The following LRP1B variants were observed in gnomAD, a reference collection of about 807,000 sequenced individuals.
The protein encoded by LRP1B is low-density lipoprotein receptor-related protein 1B.
Under a neutral mutation model 556.6 loss-of-function variants are expected in LRP1B, and 217 were observed. That is an observed-to-expected ratio of 0.39 (90% confidence interval 0.35 to 0.44). The LOEUF (loss-of-function observed/expected upper bound fraction) is 0.44. LRP1B is among the 20% of genes least tolerant of loss of function. LRP1B has a pLI of 1.00. For missense variants in LRP1B, 5,053 were observed against 5,620.8 expected, an observed-to-expected ratio of 0.90 and a Z score of 3.23; for synonymous variants, 2,047 against 1,865.8, an observed-to-expected ratio of 1.10 and a Z score of -2.50.
intron 49 of LRP1B, among the ~76,000 whole-genome samples, chr2:140,523,719 C>A (rs1452435929): frequency 6.6e-6 from 1 of 151,814 alleles, no homozygotes; most frequent in African/African-American, 2.4e-5. Context: ...CATTACTATA[C>A]ACAAAGTTCA....
rs374602502 is a variant in LRP1B, at chr2:140,317,819, G to C, written c.12641-2720C>G. Among the ~76,000 whole-genome samples the C allele has an allele frequency of 1.4e-4, 21 of 152,088 alleles. No homozygotes were observed. The East Asian group carries it at 2.9e-3, about 21-fold the overall frequency. On this transcript the variant is annotated intron_variant, in intron 82 of 90. Transcript: ENST00000389484. ...AAAATCCTTACATGTTAGGGCATGC[G>C]CGTTACTATAACGTGCCTCATTAGG...
chr2:140,291,998 C>T (rs1683408628), intron 84 of LRP1B, among the ~76,000 whole-genome samples: 1 of 152,082 alleles, frequency 6.6e-6, no homozygotes, highest in South Asian at 2.1e-4. Flanking sequence ...TAATGATCAC[C>T]CTTCTAAGTG....
chr2:141,484,408 C>G (rs903479090), intron 2 of LRP1B, among the ~76,000 whole-genome samples: 43 of 150,356 alleles, frequency 2.9e-4, no homozygotes, highest in African/African-American at 9.7e-4. Context: ...ATGCCTCCAG[C>G]TTTGTTCTTT....
intron 1 of LRP1B, among the ~76,000 whole-genome samples, chr2:141,981,048 G>A (rs780774124): frequency 2.0e-5 from 3 of 151,906 alleles, no homozygotes; most frequent in Admixed American, 6.6e-5. Context: ...ATCTATTATG[G>A]GTCTCAGCTC....
rs186694264 is a variant in LRP1B at position 142,006,386 on chromosome 2, A to C, written c.82+124262T>G. ...GTGTCATACTTCTGGCAAGCTTGCT[A>C]GTGATTGGCTTCTTACATATTAGGC... On this transcript the variant is annotated intron_variant, in intron 1 of 90. Coordinates refer to ENST00000389484, the MANE Select transcript of LRP1B (RefSeq NM_018557.3). Among the ~76,000 whole-genome samples, 470 of 152,332 alleles carry C rather than the reference A, an allele frequency of 3.1e-3. 1 individual carries two copies. Among genetic ancestry groups the C allele is most frequent in the Middle Eastern group, 6.8e-3 (2 of 294 alleles).
chr2:140,577,281 C>T (rs1347500783), intron 43 of LRP1B, among the ~76,000 whole-genome samples: 6 of 151,938 alleles, frequency 3.9e-5, no homozygotes, highest in Admixed American at 1.3e-4. Flanking sequence ...TCAAGAGATC[C>T]GGACCATCCT....
At chr2:141,245,081 T>A (rs1302036195) in intron 5 of LRP1B, among the ~76,000 whole-genome samples, 1 of 152,152 alleles carries the variant, frequency 6.6e-6, no homozygotes, top group East Asian at 1.9e-4. Flanking sequence ...TAGATTACAC[T>A]CTCTGTGTAG....
intron 6 of LRP1B, among the ~76,000 whole-genome samples, chr2:141,220,498 C>T (rs1682990122): frequency 6.6e-6 from 1 of 151,876 alleles, no homozygotes. Context: ...AAACATACTT[C>T]ACGACATCCA....
intron 2 of LRP1B, among the ~76,000 whole-genome samples, chr2:141,786,759 T>A (rs1347252299): frequency 6.6e-6 from 1 of 151,962 alleles, no homozygotes; most frequent in Non-Finnish European, 1.5e-5. Context: ...CCATTAATGA[T>A]GATATTGGCT....
intron 20 of LRP1B, among the ~76,000 whole-genome samples, chr2:140,933,462 A>G (rs1188019630): frequency 6.6e-6 from 1 of 152,078 alleles, no homozygotes; most frequent in Non-Finnish European, 1.5e-5. Flanking sequence ...CTACAGTTTA[A>G]TAGTCATTAA....
intron 7 of LRP1B, among the ~76,000 whole-genome samples, chr2:141,145,416 C>T (rs1701756940): frequency 6.6e-6 from 1 of 151,824 alleles, no homozygotes; most frequent in South Asian, 2.1e-4. Context: ...ATTGCATATA[C>T]TATGTAATAA....
chr2:142,049,031 A>G (rs1177929553), intron 1 of LRP1B, among the ~76,000 whole-genome samples: 1 of 152,088 alleles, frequency 6.6e-6, no homozygotes, highest in Non-Finnish European at 1.5e-5. Context: ...GACAATTTTA[A>G]CTGCATTTTA....
At chr2:140,645,480 T>G (rs1684445472) in intron 41 of LRP1B, among the ~76,000 whole-genome samples, 1 of 151,314 alleles carries the variant, frequency 6.6e-6, no homozygotes, top group South Asian at 2.1e-4. Context: ...AGTAAGAAAT[T>G]ATTCTTTCTT....
intron 3 of LRP1B, among the ~76,000 whole-genome samples, chr2:141,336,904 A>C (rs567312631): frequency 2.0e-4 from 30 of 152,270 alleles, no homozygotes; most frequent in African/African-American, 7.0e-4. Flanking sequence ...GTTGAGTAGA[A>C]TTCTATTACA....
intron 66 of LRP1B, 66 bp from the exon 67 acceptor site, chr2:140,386,075 A>G (rs1266715110): frequency 3.2e-6 from 3 of 931,528 alleles, no homozygotes. Context: ...CAACGTCCTC[A>G]CTGCCATGCC....
At chr2:140,639,092 T>C (rs1684180509) in intron 41 of LRP1B, among the ~76,000 whole-genome samples, 1 of 152,124 alleles carries the variant, frequency 6.6e-6, no homozygotes, top group Non-Finnish European at 1.5e-5. Context: ...TTGAGAGGCA[T>C]TTTGGTTACA....
At chr2:141,444,127 C>A (rs1421378132) in intron 3 of LRP1B, among the ~76,000 whole-genome samples, 2 of 151,948 alleles carry the variant, frequency 1.3e-5, no homozygotes, top group Non-Finnish European at 2.9e-5. Context: ...TTTGTTTTTT[C>A]CTTGAAGAAG....
chr2:142,127,831 G>C (rs1707709265), intron 1 of LRP1B, among the ~76,000 whole-genome samples: 1 of 151,986 alleles, frequency 6.6e-6, no homozygotes, highest in Non-Finnish European at 1.5e-5. Context: ...ACACAGACTA[G>C]CATTAGGCCT....
At chr2:140,796,042 G>A (rs1690298552) in intron 32 of LRP1B, among the ~76,000 whole-genome samples, 2 of 146,562 alleles carry the variant, frequency 1.4e-5, no homozygotes, top group African/African-American at 4.9e-5. Flanking sequence ...TAACAATTAT[G>A]TCCCTGCTCT....
Sources: gnomAD v4.1 joint callset for allele counts (sites outside exome capture counted in the v4.1 genomes callset) on GRCh38, gnomAD v4.1.1 for gene constraint, MANE v1.5 for transcripts, NCBI Gene and HGNC (gene_info 2026-07-23, HGNC 2026-07-21) for gene names.